Variants in FAT3 observed in about 807,000 individuals in gnomAD.
FAT3 encodes the protein FAT atypical cadherin 3.
Under a neutral mutation model 310.2 loss-of-function variants are expected in FAT3, and 95 were observed. The ratio of observed to expected loss-of-function variants is 0.31; its 90% CI spans 0.26 to 0.36. The LOEUF is 0.36. Among genes scored for constraint, FAT3 ranks in the 10% least tolerant of loss-of-function variants. The pLI is 1.00. For missense variants in FAT3, 5,408 were observed against 5,715.6 expected (o/e 0.95, Z 1.74); for synonymous variants, 2,314 against 2,192.9 (o/e 1.06, Z -1.54).
chr11:92,636,560 CA>C (rs917978127), intron 3 of FAT3, among the ~76,000 whole-genome samples: 1 of 151,926 alleles, frequency 6.6e-6, no homozygotes, highest in Non-Finnish European at 1.5e-5. Flanking sequence ...CTTAAAAAAA[CA>C]TTTTTAGGCA....
chr11:92,415,661 T>C (rs932882327), intron 2 of FAT3, among the ~76,000 whole-genome samples: 20 of 152,102 alleles, frequency 1.3e-4, no homozygotes, highest in Non-Finnish European at 2.6e-4. Context: ...TAAATCCATT[T>C]GCCAGCAGAT....
Position 92,799,782 on chromosome 11 carries a change from A to G in FAT3, c.6769A>G (p.Thr2257Ala), listed in dbSNP as rs775291133. 6.2e-7 allele frequency: 1 copy of G among 1,612,874 alleles called. No individual in the cohort carries two copies. Reference protein sequence around the residue: ...DYEVTSAYKLTIRASDALTGA... With the variant: ...DYEVTSAYKLAIRASDALTGA... ...TGAAGTTACATCTGCTTACAAGCTG[A>G]CAATAAGAGCCAGCGACGCCCTTAC... Residue 2257 changes from threonine (T) to alanine (A), a missense_variant, in exon 10 of 28, where the codon ACA becomes GCA. Transcript: ENST00000525166.
intron 2 of FAT3, among the ~76,000 whole-genome samples, chr11:92,356,341 T>C (rs548908852): frequency 6.6e-6 from 1 of 152,342 alleles, no homozygotes; most frequent in Admixed American, 6.5e-5. Flanking sequence ...ACCTTACCAT[T>C]TTCAGAGCAC....
intron 1 of FAT3, among the ~76,000 whole-genome samples, chr11:92,237,429 C>A (rs555078144): frequency 9.2e-4 from 140 of 152,212 alleles, no homozygotes; most frequent in African/African-American, 3.3e-3. Context: ...TTGTTTGGGA[C>A]TAGGGACTTT....
rs1308346300 is a variant in FAT3 at position 92,800,542 on chromosome 11, C to A, written c.7529C>A (p.Ala2510Asp). ...GTAGCTGAGGTGAGAGAGAACGTGG[C>A]TGCAGGAACAAAGGTAATTCATGTT... ...TYVAEVRENV[A>D]AGTKVIHVRA... Residue 2510 changes from alanine to aspartate, a missense_variant, in exon 10 of 28, where the codon GCT becomes GAT. Coordinates refer to ENST00000525166, the MANE Select transcript of FAT3 (RefSeq NM_001367949.2). The A allele has an allele frequency of 1.2e-6, 2 of 1,613,836 alleles. No homozygotes were observed. The highest frequency in any genetic ancestry group is 2.2e-5 in the East Asian group (1 of 44,830).
At chr11:92,364,652 A>G (rs1460431385) in intron 2 of FAT3, among the ~76,000 whole-genome samples, 1 of 152,220 alleles carries the variant, frequency 6.6e-6, no homozygotes, top group Non-Finnish European at 1.5e-5. Flanking sequence ...TTTTTATGAA[A>G]GCATGTCTTA....
At chr11:92,860,115 C>T (rs1007115675) in intron 21 of FAT3, among the ~76,000 whole-genome samples, 1 of 152,158 alleles carries the variant, frequency 6.6e-6, no homozygotes, top group Non-Finnish European at 1.5e-5. Flanking sequence ...GGCCACTGCA[C>T]AGTAATCTGG....
chr11:92,345,041 G>T (rs1948374782), intron 1 of FAT3, among the ~76,000 whole-genome samples: 5 of 152,112 alleles, frequency 3.3e-5, no homozygotes, highest in Admixed American at 2.0e-4. Flanking sequence ...GTTTCCTAAA[G>T]AGTATTTTAG....
intron 6 of FAT3, among the ~76,000 whole-genome samples, chr11:92,771,551 G>A (rs1946455758): frequency 6.6e-6 from 1 of 152,130 alleles, no homozygotes; most frequent in South Asian, 2.1e-4. Flanking sequence ...AGGAGCAAAT[G>A]TCCTGGAAAT....
rs761010499 is a variant in FAT3, at chr11:92,797,979, A to G, written c.4966A>G (p.Ile1656Val). The change falls in exon 10 of 28, where the codon ATT becomes GTT. Residue 1656 changes from isoleucine (I) to valine (V), a missense_variant. Ile to Val is a conservative substitution (Grantham distance 29, BLOSUM62 3). Around this residue, in one of 5 missense-constraint regions of FAT3, gnomAD observed 4,588 missense variants for 4,809.8 expected, o/e 0.95. Transcript: ENST00000525166. ...ATCCCCGCCAATGTCTGCTACTGCA[A>G]TTGTGCGCATTTCCGTCACCATGTC... ...QGSPPMSATA[I>V]VRISVTMSDN... 5 of 1,613,912 alleles carry G rather than the reference A, an allele frequency of 3.1e-6. No individual in the cohort carries two copies. The highest frequency in any genetic ancestry group is 1.1e-5 in the South Asian group (1 of 91,076).
At chr11:92,274,537 T>C (rs1441952078) in intron 1 of FAT3, among the ~76,000 whole-genome samples, 2 of 152,060 alleles carry the variant, frequency 1.3e-5, no homozygotes, top group Non-Finnish European at 2.9e-5. Flanking sequence ...CTTCTGTAAA[T>C]ACAATATGTC....
chr11:92,653,220 T>C (rs1942450643), intron 3 of FAT3, among the ~76,000 whole-genome samples: 1 of 114,486 alleles, frequency 8.7e-6, no homozygotes, highest in African/African-American at 3.7e-5. Context: ...GTGTGTGTGC[T>C]CGCATGCGTG....
chr11:92,652,538 G>A (rs969144962), intron 3 of FAT3, among the ~76,000 whole-genome samples: 8 of 152,130 alleles, frequency 5.3e-5, no homozygotes, highest in Non-Finnish European at 1.2e-4. Flanking sequence ...TGAAAACACA[G>A]AAATCAGTAG....
chr11:92,359,496 T>A (rs1205807099), intron 2 of FAT3, among the ~76,000 whole-genome samples: 1 of 152,058 alleles, frequency 6.6e-6, no homozygotes, highest in Admixed American at 6.6e-5. Flanking sequence ...TTTATTATTA[T>A]ACTTTAAGTT....
intron 3 of FAT3, among the ~76,000 whole-genome samples, chr11:92,636,255 C>A (rs992312816): frequency 2.8e-4 from 42 of 152,310 alleles, no homozygotes; most frequent in African/African-American, 7.5e-4. Context: ...AGCCACTGCA[C>A]CCTGCAGGTC....
At position 92,883,128 on chromosome 11, in the gene FAT3, G is replaced by A. The variant is rs1949714084; in HGVS notation, c.12672G>A (p.Glu4224=). The A allele has an allele frequency of 1.9e-6, 3 of 1,613,654 alleles. No homozygotes were observed. The highest frequency in any genetic ancestry group is 1.7e-5 in the Admixed American group (1 of 60,016). ...GGGACGGCCGCAACGTCTACCAGGA[G>A]GTGGGGCCCCCGCAGGTCCCCGTGC... The part of the protein sequence containing the change: ...GSGDGRNVYQ[E]VGPPQVPVRP... The change falls in exon 24 of 28, where the codon GAG becomes GAA. Residue 4224 remains glutamate (E), a synonymous_variant. Transcript: ENST00000525166. This position sits in a 1 kb window ranked among gnomAD's most constrained non-coding sequence, Gnocchi z 4.2.
chr11:92,817,354 T>C (rs904022061), intron 13 of FAT3, among the ~76,000 whole-genome samples: 12 of 152,240 alleles, frequency 7.9e-5, no homozygotes, highest in African/African-American at 2.7e-4. Flanking sequence ...TTCTGAGTCT[T>C]CCAGAATACT....
chr11:92,453,812 G>T (rs141086296), intron 2 of FAT3, among the ~76,000 whole-genome samples: 2 of 152,066 alleles, frequency 1.3e-5, no homozygotes, highest in Non-Finnish European at 2.9e-5. Context: ...TAAGAAAAAC[G>T]CAGTGTTGTA....
intron 13 of FAT3, among the ~76,000 whole-genome samples, chr11:92,825,819 A>G (rs1948087526): frequency 6.6e-6 from 1 of 152,086 alleles, no homozygotes; most frequent in South Asian, 2.1e-4. Context: ...GCAGTTTGCA[A>G]TTAGGAGTCC....
Sources: allele counts gnomAD v4.1 joint callset (sites outside exome capture counted in the v4.1 genomes callset), GRCh38; gene constraint gnomAD v4.1.1; regional missense constraint gnomAD v4.1.1; non-coding constraint Gnocchi (gnomAD v3.1); transcripts MANE v1.5; gene names NCBI Gene and HGNC (gene_info 2026-07-23, HGNC 2026-07-21).